ITSN2: variants seen among roughly 807,000 people sequenced by gnomAD.
ITSN2 encodes intersectin-2.
Under a neutral mutation model 243.7 loss-of-function variants are expected in ITSN2, and 156 were observed. The ratio of observed to expected loss-of-function variants is 0.64; its 90% CI spans 0.56 to 0.73. The LOEUF is 0.73. Among genes scored for constraint, ITSN2 ranks in the 30% least tolerant of loss-of-function variants. ITSN2 has a pLI of 0.00. For missense variants in ITSN2, 1,801 were observed against 1,996.1 expected (o/e 0.90, Z 1.86); for synonymous variants, 703 against 699.9 (o/e 1.00, Z -0.07).
chr2:24,316,386 T>C (rs528862996), intron 2 of ITSN2, among the ~76,000 whole-genome samples: 1 of 152,284 alleles, frequency 6.6e-6, no homozygotes, highest in South Asian at 2.1e-4. Flanking sequence ...GTTCAAGCAA[T>C]TCTCCTGCCT....
intron 20 of ITSN2, among the ~76,000 whole-genome samples, chr2:24,269,766 A>G (rs759624525): frequency 5.9e-5 from 9 of 152,186 alleles, no homozygotes; most frequent in Non-Finnish European, 1.0e-4. Flanking sequence ...AACCAAAAAT[A>G]TAAGTAAACT....
chr2:24,222,254 A>G (rs915661300), intron 29 of ITSN2, among the ~76,000 whole-genome samples: 1 of 5,400 alleles, frequency 1.9e-4, no homozygotes, highest in African/African-American at 5.4e-4. Flanking sequence ...TTCATCTCCA[A>G]AAAAAAAAAA....
intron 14 of ITSN2, among the ~76,000 whole-genome samples, chr2:24,295,146 C>T (rs531823688): frequency 9.2e-5 from 14 of 152,164 alleles, no homozygotes; most frequent in African/African-American, 2.2e-4. Context: ...TGTCCACTTA[C>T]GTATATATAT....
intron 15 of ITSN2, among the ~76,000 whole-genome samples, chr2:24,292,528 G>T (rs1214615842): frequency 6.6e-6 from 1 of 152,196 alleles, no homozygotes; most frequent in Non-Finnish European, 1.5e-5. Context: ...AATAAAAATA[G>T]TTCACAAGAG....
chr2:24,227,288 TAA>T lies in ITSN2; in HGVS notation c.3578-6224_3578-6223del, dbSNP rs55652738. 7.8e-3 allele frequency among the ~76,000 whole-genome samples: 899 copies of T among 114,792 alleles called. 3 individuals are homozygous for T. The highest frequency in any genetic ancestry group is 0.012 in the African/African-American group (345 of 29,726). 75.3% of individuals were successfully genotyped at this position (114,792 alleles called of 152,430 possible). Reference sequence around the variant, plus strand: ...AGTCTCATTAAAGATGAGCTCAAAGTAAAAAAAAAAAAAAAAAAATTACAAAA... The same window carrying T: ...AGTCTCATTAAAGATGAGCTCAAAGTAAAAAAAAAAAAAAAAATTACAAAA... On this transcript the variant is annotated intron_variant, in intron 29 of 39. Coordinates refer to ENST00000355123, the MANE Select transcript of ITSN2 (RefSeq NM_006277.3).
chr2:24,296,413 C>T (rs976508406), intron 13 of ITSN2, among the ~76,000 whole-genome samples: 1 of 152,094 alleles, frequency 6.6e-6, no homozygotes, highest in Non-Finnish European at 1.5e-5. Flanking sequence ...GTTAAAGTCC[C>T]AAGCCCCAGT....
At chr2:24,281,944 C>T (rs963018328) in intron 17 of ITSN2, among the ~76,000 whole-genome samples, 2 of 152,230 alleles carry the variant, frequency 1.3e-5, no homozygotes, top group Non-Finnish European at 2.9e-5. Flanking sequence ...TTCTGATGGT[C>T]CAACTTACCT....
chr2:24,218,891 C>G (rs1159320086), intron 30 of ITSN2, among the ~76,000 whole-genome samples: 2 of 152,156 alleles, frequency 1.3e-5, no homozygotes, highest in Non-Finnish European at 2.9e-5. Context: ...CCAAAATGCC[C>G]ATGACATGCT....
At chr2:24,295,590 T>C (rs1376662791) in intron 14 of ITSN2, 74 bp downstream of exon 14, 6 of 1,210,982 alleles carry the variant, frequency 5.0e-6, no homozygotes, top group African/African-American at 4.8e-5. Context: ...ATTACAGCCG[T>C]GAGCCACCGT....
chr2:24,276,657 AC>A (rs773204151), intron 17 of ITSN2, among the ~76,000 whole-genome samples: 11 of 152,114 alleles, frequency 7.2e-5, no homozygotes, highest in Non-Finnish European at 1.5e-4. Context: ...CCAACATCTT[AC>A]GTGGTTTTAA....
rs1670981915 is a variant in ITSN2, at chr2:24,225,872, G to A, written c.3578-4806C>T. On this transcript the variant is annotated intron_variant, in intron 29 of 39. Transcript: ENST00000355123. The surrounding 1 kb of genome is among the most constrained non-coding windows in gnomAD (Gnocchi z 4.2). ...TAACATCTTTTTTGTCCTGAGAAAA[G>A]TCCTGATGAACTGAGGAATTCGGGT... 6.6e-6 allele frequency among the ~76,000 whole-genome samples: 1 copy of A among 152,166 alleles called. No homozygotes were observed. The highest frequency in any genetic ancestry group is 2.4e-5 in the African/African-American group (1 of 41,426).
intron 23 of ITSN2, among the ~76,000 whole-genome samples, chr2:24,255,630 AAAAT>A (rs1674920914): frequency 6.6e-6 from 1 of 151,510 alleles, no homozygotes. Context: ...TCTGTCTTGA[AAAAT>A]AAATAAAAAG....
chr2:24,324,105 G>A (rs141989422), intron 2 of ITSN2, among the ~76,000 whole-genome samples: 2,224 of 152,224 alleles, frequency 0.015, 19 homozygotes, highest in Non-Finnish European at 0.02. Context: ...GGTGGTGAGC[G>A]CCTGTAGTCC....
At chr2:24,212,089 C>T (rs1173507712) in intron 33 of ITSN2, among the ~76,000 whole-genome samples, 2 of 152,202 alleles carry the variant, frequency 1.3e-5, no homozygotes, top group East Asian at 3.8e-4. Context: ...CCTTAGAAGG[C>T]TTATGGGCTC....
chr2:24,246,074 G>T, intron 29 of ITSN2, 55 bp downstream of exon 29: 1 of 1,128,270 alleles, frequency 8.9e-7, no homozygotes, highest in Non-Finnish European at 1.3e-6. Context: ...TAAATGCAGT[G>T]CTGTATATTG....
intron 23 of ITSN2, 150 bp from the exon 24 acceptor site, chr2:24,254,581 T>A: frequency 2.0e-6 from 1 of 508,382 alleles, no homozygotes; most frequent in South Asian, 3.6e-5. Flanking sequence ...TGGGAAGACT[T>A]ATACACAACA....
chr2:24,346,130 C>T (rs750644464), intron 1 of ITSN2, among the ~76,000 whole-genome samples: 51 of 152,202 alleles, frequency 3.4e-4, no homozygotes, highest in Non-Finnish European at 5.4e-4. Context: ...GATGGAAAGG[C>T]AGAAGGCTAC....
chr2:24,209,042 G>A, intron 36 of ITSN2, 58 bp downstream of exon 36: 3 of 1,596,714 alleles, frequency 1.9e-6, no homozygotes, highest in Non-Finnish European at 1.7e-6. Context: ...TATGGCAGAG[G>A]GAGACGTCCA....
At chr2:24,292,350 T>C (rs551022257) in intron 15 of ITSN2, among the ~76,000 whole-genome samples, 1 of 152,100 alleles carries the variant, frequency 6.6e-6, no homozygotes. Flanking sequence ...AATAAAGATA[T>C]ATTTCTGCCA....
Sources: gnomAD v4.1 joint callset for allele counts (sites outside exome capture counted in the v4.1 genomes callset) on GRCh38, gnomAD v4.1.1 for gene constraint, Gnocchi (gnomAD v3.1) non-coding constraint, MANE v1.5 for transcripts, NCBI Gene and HGNC (gene_info 2026-07-23, HGNC 2026-07-21) for gene names.